EDNRB: variants seen among roughly 807,000 people sequenced by gnomAD.
EDNRB encodes the protein endothelin receptor type B.
A neutral mutation model predicts 46.4 loss-of-function variants in EDNRB; 18 were observed. That is an observed-to-expected ratio of 0.39 (90% CI 0.27 to 0.57). The LOEUF is 0.57. Among genes scored for constraint, EDNRB ranks in the 20% least tolerant of loss-of-function variants. The pLI, the probability that EDNRB is intolerant of heterozygous loss-of-function variation, is 0.61. For synonymous variants in EDNRB, 213 were observed against 204.9 expected, an observed-to-expected ratio of 1.04 and a Z score of -0.34; for missense variants, 434 against 537.5, an observed-to-expected ratio of 0.81 and a Z score of 1.90.
intron 1 of EDNRB, among the ~76,000 whole-genome samples, chr13:77,960,795 T>C (rs1881386136): frequency 6.8e-6 from 1 of 146,018 alleles, no homozygotes; most frequent in Non-Finnish European, 1.5e-5. Flanking sequence ...AGGAGACCCA[T>C]CTCACGTGCA....
chr13:77,916,161 C>A (rs940590580), intron 1 of EDNRB, among the ~76,000 whole-genome samples: 28 of 152,158 alleles, frequency 1.8e-4, no homozygotes, highest in Non-Finnish European at 1.6e-4. Flanking sequence ...GGTTTCCTGA[C>A]CCCCTAAACA....
intron 1 of EDNRB, among the ~76,000 whole-genome samples, chr13:77,913,989 G>A (rs1158179521): frequency 6.6e-6 from 1 of 152,180 alleles, no homozygotes; most frequent in Non-Finnish European, 1.5e-5. Context: ...TGTAGACTAT[G>A]TAAATATTAA....
Position 77,898,295 on chromosome 13 carries a change from G to A in EDNRB, c.1234C>T (p.Gln412Ter). ...CCWCQSFEEK[Q>*]SLEEKQSCLK... ...CACGACTGCTTTTCCTCCAAGGACTGTTTTTCTTCAAATGACTGGCACCAG... is the reference window on the plus strand; with the variant it reads ...CACGACTGCTTTTCCTCCAAGGACTATTTTTCTTCAAATGACTGGCACCAG... The change falls in exon 7 of 7, where the codon CAG becomes TAG. Residue 412 changes from glutamine (Q) to a stop codon, truncating the protein, a stop_gained. Coordinates refer to ENST00000646607, the MANE Select transcript of EDNRB (RefSeq NM_001122659.3). LOFTEE classifies it high-confidence loss of function. 1 of 1,612,218 alleles carries A rather than the reference G, an allele frequency of 6.2e-7. No homozygotes were observed. The highest frequency in any genetic ancestry group is 8.5e-7 in the Non-Finnish European group (1 of 1,178,844).
intron 1 of EDNRB, among the ~76,000 whole-genome samples, chr13:77,935,731 T>A (rs112706009): frequency 0.041 from 6,274 of 152,266 alleles, 208 homozygotes; most frequent in African/African-American, 0.088. Context: ...CTGAGCCTGT[T>A]GGGTGTCAGG....
intron 1 of EDNRB, among the ~76,000 whole-genome samples, chr13:77,912,709 G>A (rs915976251): frequency 7.2e-5 from 11 of 151,958 alleles, no homozygotes; most frequent in Admixed American, 5.2e-4. Flanking sequence ...TAATTAACAC[G>A]TTTTAAAAGT....
At chr13:77,919,176 C>T (rs1292341138), upstream of EDNRB, 2 of 582,404 alleles carry the variant, frequency 3.4e-6, no homozygotes, top group South Asian at 5.4e-5. Context: ...GATTCGGAAA[C>T]CCGCAGAGAC....
rs1257980779 is a variant in EDNRB, at chr13:77,933,219, A to G, written c.-51-14595T>C. On this transcript the variant is annotated intron_variant, in intron 1 of 7. Transcript: ENST00000646948. ...GTGGAACTTTTATTCTGGTGAGCAG[A>G]GTTTCATGCGCGTCCGTGTGAAGAG... 2.6e-5 allele frequency among the ~76,000 whole-genome samples: 4 copies of G among 152,298 alleles called. No individual in the cohort carries two copies. The East Asian group carries it at 7.7e-4, about 29-fold the overall frequency.
chr13:77,919,348 A>C, upstream of EDNRB: 1 of 1,571,012 alleles, frequency 6.4e-7, no homozygotes, highest in Non-Finnish European at 8.7e-7. Flanking sequence ...AAGCCCCAGA[A>C]TAAGGTTCAA....
At chr13:77,906,199 C>T (rs1389920154) in intron 1 of EDNRB, among the ~76,000 whole-genome samples, 1 of 151,666 alleles carries the variant, frequency 6.6e-6, no homozygotes, top group African/African-American at 2.4e-5. Flanking sequence ...CATGGTGAAG[C>T]CATTTACTGA....
chr13:77,955,055 C>T (rs867219299), intron 1 of EDNRB, among the ~76,000 whole-genome samples: 31 of 152,152 alleles, frequency 2.0e-4, no homozygotes, highest in African/African-American at 7.2e-4. Flanking sequence ...CTGTTTTCTA[C>T]AGCAACTGCA....
At chr13:77,941,929 T>G (rs1880759901) in intron 1 of EDNRB, among the ~76,000 whole-genome samples, 1 of 152,234 alleles carries the variant, frequency 6.6e-6, no homozygotes, top group South Asian at 2.1e-4. Context: ...GATGGAAGAA[T>G]AGAAGGCTTT....
At chr13:77,930,506 A>C (rs2137653384) in intron 1 of EDNRB, among the ~76,000 whole-genome samples, 1 of 152,342 alleles carries the variant, frequency 6.6e-6, no homozygotes, top group African/African-American at 2.4e-5. Flanking sequence ...ATATGGAACC[A>C]AAAATTAGCA....
chr13:77,903,624 C>A lies in EDNRB; in HGVS notation c.484-17G>T, dbSNP rs373735344. 2 of 1,609,414 alleles carry A rather than the reference C, an allele frequency of 1.2e-6. No homozygotes were observed. Among genetic ancestry groups the A allele is most frequent in the Non-Finnish European group, 1.7e-6 (2 of 1,176,514 alleles). On this transcript the variant is annotated splice_polypyrimidine_tract_variant and intron_variant, in intron 1 of 6. Transcript: ENST00000646607. Reference sequence around the variant, plus strand: ...TGCCAGCAGCTGCATTGAGAAGACACGAAGCTCTGTTAGGGGGTTTCATAA... The same window carrying A: ...TGCCAGCAGCTGCATTGAGAAGACAAGAAGCTCTGTTAGGGGGTTTCATAA...
chr13:77,918,981 G>C, upstream of EDNRB: 1 of 1,007,806 alleles, frequency 9.9e-7, no homozygotes, highest in Non-Finnish European at 1.2e-6. This position sits in a 1 kb window ranked among gnomAD's most constrained non-coding sequence, Gnocchi z 4.5. Context: ...AGTTAAGCGT[G>C]CGTGGGAACC....
At chr13:77,911,487 G>A (rs942876818) in intron 1 of EDNRB, among the ~76,000 whole-genome samples, 5 of 151,962 alleles carry the variant, frequency 3.3e-5, no homozygotes, top group Non-Finnish European at 5.9e-5. Context: ...CCTCCTTTCT[G>A]GAAACTACAA....
rs1422000531 is a variant in EDNRB at position 77,896,585 on chromosome 13, T to A, written c.*1615A>T. On this transcript the variant is annotated 3_prime_UTR_variant, in exon 7 of 7. Transcript: ENST00000646607. ...TATTAAAAGAAAAACAAAGTAAAAATTTGGGCATATTTTAAGACCGAGTTA... is the reference window on the plus strand; with the variant it reads ...TATTAAAAGAAAAACAAAGTAAAAAATTGGGCATATTTTAAGACCGAGTTA... The A allele has an allele frequency of 2.6e-6, 4 of 1,544,946 alleles. No homozygotes were observed. The East Asian group carries it at 9.8e-5, about 38-fold the overall frequency.
Position 77,895,502 on chromosome 13 carries a change from A to G in EDNRB, c.*2698T>C, listed in dbSNP as rs1366319083. On this transcript the variant is annotated 3_prime_UTR_variant, in exon 7 of 7. Transcript: ENST00000646607. ...CCAGCCCAGAGACCAGAAATGTGGC[A>G]TTTTAATTGAATAACTTCATACTTG... is the stretch of plus-strand genomic sequence containing the variant. 6.6e-6 allele frequency: 1 copy of G among 152,080 alleles called. No homozygotes were observed. Among genetic ancestry groups the G allele is most frequent in the Non-Finnish European group, 1.5e-5 (1 of 67,972 alleles). The allele number at this position is 152,080 out of a possible 1,614,324, so 9.4% of individuals were successfully genotyped here. A position where few individuals can be genotyped will look rare whatever the true frequency, so the allele number is the denominator to read the frequency against.
At chr13:77,936,315 G>A (rs1220302958) in intron 1 of EDNRB, among the ~76,000 whole-genome samples, 1 of 152,248 alleles carries the variant, frequency 6.6e-6, no homozygotes, top group South Asian at 2.1e-4. Context: ...AGGGAACTGG[G>A]CAGGTGGGGA....
At chr13:77,928,578 G>A (rs1880303392) in intron 1 of EDNRB, among the ~76,000 whole-genome samples, 1 of 152,130 alleles carries the variant, frequency 6.6e-6, no homozygotes, top group African/African-American at 2.4e-5. Context: ...CTTAAAATTA[G>A]CCCTAACAAC....
Sources: allele counts gnomAD v4.1 joint callset (sites outside exome capture counted in the v4.1 genomes callset), GRCh38; gene constraint gnomAD v4.1.1; non-coding constraint Gnocchi (gnomAD v3.1); transcripts MANE v1.5; gene names NCBI Gene and HGNC (gene_info 2026-07-23, HGNC 2026-07-21).